The following VAV3 variants were observed in gnomAD, a reference collection of about 807,000 sequenced individuals.
VAV3 encodes vav guanine nucleotide exchange factor 3.
In VAV3, 94 loss-of-function variants were observed where a neutral mutation model predicts 131.2. That is an observed-to-expected ratio of 0.72 (90% confidence interval 0.61 to 0.85). The LOEUF is 0.85. Among genes scored for constraint, VAV3 ranks in the 40% least tolerant of loss-of-function variants. The pLI, the probability that VAV3 is intolerant of heterozygous loss-of-function variation, is 0.00. For synonymous variants in VAV3, 349 were observed against 342.0 expected (o/e 1.02, Z -0.22); for missense variants, 939 against 1,002.7 (o/e 0.94, Z 0.86).
intron 1 of VAV3, among the ~76,000 whole-genome samples, chr1:107,892,880 A>T (rs1251070487): frequency 6.6e-6 from 1 of 152,172 alleles, no homozygotes; most frequent in African/African-American, 2.4e-5. Context: ...CAGCAATAAT[A>T]TTTCAACAAT....
At chr1:107,913,814 G>C (rs1393234188) in intron 1 of VAV3, among the ~76,000 whole-genome samples, 1 of 151,900 alleles carries the variant, frequency 6.6e-6, no homozygotes, top group Non-Finnish European at 1.5e-5. Flanking sequence ...TTATTATTTT[G>C]AGGTGGAGTC....
At chr1:107,884,142 A>T (rs1006495235) in intron 1 of VAV3, among the ~76,000 whole-genome samples, 11 of 151,034 alleles carry the variant, frequency 7.3e-5, no homozygotes, top group African/African-American at 2.7e-4. Flanking sequence ...CCCAGTTTAA[A>T]AAAAAAAAAA....
intron 18 of VAV3, among the ~76,000 whole-genome samples, chr1:107,687,823 A>C (rs972056692): frequency 5.3e-5 from 8 of 152,100 alleles, no homozygotes; most frequent in African/African-American, 1.9e-4. Flanking sequence ...AAGTAACTTT[A>C]TTCTGAGAGG....
At chr1:107,660,085 T>C (rs1656894944) in intron 19 of VAV3, among the ~76,000 whole-genome samples, 1 of 152,180 alleles carries the variant, frequency 6.6e-6, no homozygotes, top group South Asian at 2.1e-4. Context: ...CCACGGATCA[T>C]CTAATTCACC....
chr1:107,611,657 T>C (rs191145877), intron 21 of VAV3, among the ~76,000 whole-genome samples: 207 of 147,622 alleles, frequency 1.4e-3, no homozygotes, highest in Middle Eastern at 0.011. Flanking sequence ...GAGTAAAGAA[T>C]TTCAAAATAT....
chr1:107,721,805 T>G (rs1412895615), intron 15 of VAV3, among the ~76,000 whole-genome samples: 1 of 152,184 alleles, frequency 6.6e-6, no homozygotes, highest in Non-Finnish European at 1.5e-5. Flanking sequence ...AGCTTTCAGC[T>G]TCCTCCAGAC....
At chr1:107,680,004 GAAGAC>G (rs1658491023) in intron 19 of VAV3, among the ~76,000 whole-genome samples, 1 of 152,116 alleles carries the variant, frequency 6.6e-6, no homozygotes, top group East Asian at 1.9e-4. Context: ...GCACACAATA[GAAGAC>G]AAGAAAAAAT....
intron 1 of VAV3, among the ~76,000 whole-genome samples, chr1:107,940,191 T>C (rs1673919477): frequency 6.6e-6 from 1 of 152,222 alleles, no homozygotes; most frequent in South Asian, 2.1e-4. Flanking sequence ...CTTCAAGCTG[T>C]AATGAAGAAA....
chr1:107,681,717 G>A lies in VAV3; in HGVS notation c.1777+1771C>T, dbSNP rs146416445. The stretch of plus-strand genomic sequence containing the variant: ...TCACCAGGCTGGAGTGCAGTGGCGC[G>A]ATCTCGGCTCACTGCAAGTTCTGCC... On this transcript the variant is annotated intron_variant, in intron 19 of 26. Coordinates refer to ENST00000370056, the MANE Select transcript of VAV3 (RefSeq NM_006113.5). 4.4e-3 allele frequency among the ~76,000 whole-genome samples: 655 copies of A among 149,058 alleles called. 8 individuals carry two copies. Among genetic ancestry groups the A allele is most frequent in the African/African-American group, 0.016 (630 of 40,388 alleles).
intron 2 of VAV3, among the ~76,000 whole-genome samples, chr1:107,812,807 G>C (rs1667381858): frequency 6.6e-6 from 1 of 152,042 alleles, no homozygotes; most frequent in Admixed American, 6.6e-5. Context: ...AGCAGGAAGA[G>C]ATATAAGAAT....
chr1:107,572,333 G>A lies in VAV3; in HGVS notation c.*998C>T, dbSNP rs1384704360. On this transcript the variant is annotated 3_prime_UTR_variant, in exon 27 of 27. Transcript: ENST00000370056. Reference sequence around the variant, plus strand: ...TCCTTCCAAAATCCTCAACAAAGTTGTTTGTGCTCCAAGAAAATGTGGGAA... The same window carrying A: ...TCCTTCCAAAATCCTCAACAAAGTTATTTGTGCTCCAAGAAAATGTGGGAA... 1 of 152,198 alleles carries A rather than the reference G, an allele frequency of 6.6e-6. No individual in the cohort carries two copies. The highest frequency in any genetic ancestry group is 2.4e-5 in the African/African-American group (1 of 41,436). The allele number at this position is 152,198 out of a possible 1,614,324, so 9.4% of individuals were successfully genotyped here. A position where few individuals can be genotyped will look rare whatever the true frequency, so the allele number is the denominator to read the frequency against.
At chr1:107,681,679 G>T (rs773984105) in intron 19 of VAV3, among the ~76,000 whole-genome samples, 5 of 147,776 alleles carry the variant, frequency 3.4e-5, no homozygotes, top group South Asian at 2.1e-4. Flanking sequence ...TTTTGAGACA[G>T]AGTCTCGCTT....
chr1:107,774,344 G>A (rs1045991671), intron 4 of VAV3, among the ~76,000 whole-genome samples: 5 of 152,158 alleles, frequency 3.3e-5, no homozygotes, highest in African/African-American at 1.2e-4. Context: ...TAGGATTACA[G>A]GCATGAGCCA....
intron 9 of VAV3, among the ~76,000 whole-genome samples, chr1:107,762,436 T>C (rs958160754): frequency 6.6e-6 from 1 of 152,334 alleles, no homozygotes; most frequent in Non-Finnish European, 1.5e-5. Flanking sequence ...GCTAGCTGTG[T>C]CATCAATTAC....
intron 1 of VAV3, among the ~76,000 whole-genome samples, chr1:107,879,294 A>T (rs553105020): frequency 6.6e-6 from 1 of 152,318 alleles, no homozygotes; most frequent in South Asian, 2.1e-4. Context: ...AGCCAATTAC[A>T]TGAGAAGAAC....
intron 1 of VAV3, among the ~76,000 whole-genome samples, chr1:107,940,018 G>A (rs774541417): frequency 3.3e-5 from 5 of 152,124 alleles, no homozygotes; most frequent in East Asian, 1.9e-4. Context: ...CAAGCAAGAC[G>A]ATTTTGAAGT....
intron 18 of VAV3, among the ~76,000 whole-genome samples, chr1:107,684,498 G>A (rs1658882227): frequency 6.6e-6 from 1 of 152,192 alleles, no homozygotes; most frequent in African/African-American, 2.4e-5. Context: ...TCATTCACAA[G>A]TTAAATGGAT....
intron 1 of VAV3, among the ~76,000 whole-genome samples, chr1:107,939,401 T>C (rs907618318): frequency 6.6e-6 from 1 of 152,208 alleles, no homozygotes; most frequent in Non-Finnish European, 1.5e-5. Flanking sequence ...ACTTAGAATT[T>C]TGATCTATCC....
intron 1 of VAV3, among the ~76,000 whole-genome samples, chr1:107,929,886 C>G (rs999774441): frequency 5.3e-5 from 8 of 152,098 alleles, no homozygotes. Flanking sequence ...TCATCTGCAA[C>G]AACATGGACA....
Sources: gnomAD v4.1 joint callset for allele counts (sites outside exome capture counted in the v4.1 genomes callset) on GRCh38, gnomAD v4.1.1 for gene constraint, MANE v1.5 for transcripts, NCBI Gene and HGNC (gene_info 2026-07-23, HGNC 2026-07-21) for gene names.